Variants in FBXO34 observed in about 807,000 individuals in gnomAD.
The protein encoded by FBXO34 is F-box protein 34.
A neutral mutation model predicts 24.5 loss-of-function variants in FBXO34; 12 were observed. The observed-to-expected ratio is 0.49, with a 90% CI of 0.31 to 0.79. The LOEUF is 0.79. Among genes scored for constraint, FBXO34 ranks in the 30% least tolerant of loss-of-function variants. FBXO34 has a pLI of 0.04. For synonymous variants in FBXO34, 320 were observed against 311.9 expected (o/e 1.03, Z -0.27); for missense variants, 823 against 857.7 (o/e 0.96, Z 0.51).
rs147933450 is a variant in FBXO34 at position 55,351,074 on chromosome 14, C to T, written c.684C>T (p.Asn228=). The T allele has an allele frequency of 2.5e-6, 4 of 1,614,110 alleles. No individual in the cohort carries two copies. In the African/African-American group the frequency reaches 5.3e-5, roughly 22 times the overall value. The change falls in exon 2 of 2, where the codon AAC becomes AAT. Residue 228 remains asparagine, a synonymous_variant. Coordinates refer to ENST00000313833, the MANE Select transcript of FBXO34 (RefSeq NM_017943.4). The part of the protein sequence containing the change: ...ASALLASCSK[N]CTNSPAIVRF... ...CTCTGCTAGCTAGCTGTTCAAAAAA[C>T]TGCACAAACTCACCTGCAATTGTGA...
At chr14:55,325,065 C>T (rs1015618002) in intron 1 of FBXO34, among the ~76,000 whole-genome samples, 15 of 152,170 alleles carry the variant, frequency 9.9e-5, no homozygotes, top group Admixed American at 2.6e-4. Context: ...CCTCCAAATA[C>T]CTTCACATTG....
the FBXO34 span, chr14:55,385,750 G>A: frequency 2.3e-5 from 23 of 984,116 alleles, no homozygotes; most frequent in Non-Finnish European, 3.2e-5. Flanking sequence ...TCCATCACCA[G>A]GAAAACCAAT....
the FBXO34 span, among the ~76,000 whole-genome samples, chr14:55,403,171 G>C: frequency 6.6e-6 from 1 of 151,380 alleles, no homozygotes; most frequent in African/African-American, 2.4e-5. Flanking sequence ...TTTGTAAAAT[G>C]GGAATAATGC....
At chr14:55,411,646 A>G in the FBXO34 span, 1 of 1,613,384 alleles carries the variant, frequency 6.2e-7, no homozygotes, top group Non-Finnish European at 8.5e-7. Context: ...CGCCGCTCTG[A>G]ACGCATTTGG....
At chr14:55,365,847 G>C (rs1884665925), downstream of FBXO34, among the ~76,000 whole-genome samples, 1 of 152,124 alleles carries the variant, frequency 6.6e-6, no homozygotes, top group African/African-American at 2.4e-5. Flanking sequence ...TTCCACAGTA[G>C]TCACTCTTGG....
At chr14:55,408,994 T>G in the FBXO34 span, among the ~76,000 whole-genome samples, 1 of 152,160 alleles carries the variant, frequency 6.6e-6, no homozygotes, top group Non-Finnish European at 1.5e-5. Flanking sequence ...AACAGTGACA[T>G]TATCTTATTT....
the FBXO34 span, among the ~76,000 whole-genome samples, chr14:55,441,923 C>A: frequency 6.6e-6 from 1 of 151,754 alleles, no homozygotes; most frequent in African/African-American, 2.4e-5. Context: ...CCACCATGCC[C>A]AGCTAATTTT....
chr14:55,386,173 A>C, the FBXO34 span: 1 of 1,239,288 alleles, frequency 8.1e-7, no homozygotes, highest in Non-Finnish European at 1.1e-6. Context: ...CCCCACAAAC[A>C]TGCGTGTTTT....
Position 55,331,751 on chromosome 14 carries a change from ATATATATATG to A in FBXO34, c.-10-18620_-10-18611del, listed in dbSNP as rs1169979355. ...TATGTATATATATATGTGTGTATAT[ATATATATATG>A]TATATATATATATATATACCACCAT... On this transcript the variant is annotated intron_variant, in intron 1 of 1. Coordinates refer to ENST00000313833, the MANE Select transcript of FBXO34 (RefSeq NM_017943.4). Among the ~76,000 whole-genome samples, 262 of 61,368 alleles carry A rather than the reference ATATATATATG, an allele frequency of 4.3e-3. 97 individuals carry two copies. Among genetic ancestry groups the A allele is most frequent in the African/African-American group, 0.041 (234 of 5,696 alleles). The allele number at this position is 61,368 out of a possible 152,430, so 40.3% of individuals were successfully genotyped here. A position where few individuals can be genotyped will look rare whatever the true frequency, so the allele number is the denominator to read the frequency against.
chr14:55,441,301 G>A, the FBXO34 span, among the ~76,000 whole-genome samples: 5 of 152,148 alleles, frequency 3.3e-5, no homozygotes, highest in East Asian at 7.7e-4. Flanking sequence ...GTGCCACCAC[G>A]CCTGGCTAAT....
chr14:55,286,991 C>T (rs766746866), intron 1 of FBXO34, among the ~76,000 whole-genome samples: 1 of 151,432 alleles, frequency 6.6e-6, no homozygotes, highest in Non-Finnish European at 1.5e-5. Context: ...TCACTGCAAC[C>T]TCCACCTCCC....
chr14:55,421,481 T>C, the FBXO34 span, among the ~76,000 whole-genome samples: 1 of 152,188 alleles, frequency 6.6e-6, no homozygotes, highest in South Asian at 2.1e-4. Flanking sequence ...ATTTTTTAAT[T>C]AAGATGAAGT....
At chr14:55,389,647 C>T in the FBXO34 span, among the ~76,000 whole-genome samples, 11 of 152,192 alleles carry the variant, frequency 7.2e-5, no homozygotes, top group South Asian at 6.2e-4. Context: ...AGCTTGCTGC[C>T]GGCACTCATT....
intron 1 of FBXO34, among the ~76,000 whole-genome samples, chr14:55,289,862 A>T (rs556353902): frequency 2.0e-5 from 3 of 152,146 alleles, no homozygotes; most frequent in South Asian, 2.1e-4. Context: ...CTACCTTTAA[A>T]AAAAAAAACA....
At position 55,281,991 on chromosome 14, in the gene FBXO34, C is replaced by CTTTTTT. The variant is rs372305828; in HGVS notation, c.-11+10473_-11+10478dup. On this transcript the variant is annotated intron_variant, in intron 1 of 1. Transcript: ENST00000313833. ...CAGTAAGTTTCATTTTTAAATTTAG[C>CTTTTTT]TTTTTTTTTTTTTTTTTTTTTTTTG... 1.7e-3 allele frequency among the ~76,000 whole-genome samples: 108 copies of CTTTTTT among 65,124 alleles called. 1 individual carries two copies. The highest frequency in any genetic ancestry group is 1.9e-3 in the East Asian group (4 of 2,130). 42.7% of individuals were successfully genotyped at this position (65,124 alleles called of 152,430 possible). A position where few individuals can be genotyped will look rare whatever the true frequency, so the allele number is the denominator to read the frequency against.
chr14:55,427,479 C>T, the FBXO34 span, among the ~76,000 whole-genome samples: 3 of 152,142 alleles, frequency 2.0e-5, no homozygotes, highest in South Asian at 2.1e-4. Context: ...AATATGATCC[C>T]TATCTACTCT....
downstream of FBXO34, among the ~76,000 whole-genome samples, chr14:55,370,307 G>C (rs1296103796): frequency 6.6e-6 from 1 of 152,096 alleles, no homozygotes; most frequent in Non-Finnish European, 1.5e-5. Flanking sequence ...CTAACAAAAA[G>C]CCACTTGATG....
intron 1 of FBXO34, among the ~76,000 whole-genome samples, chr14:55,277,617 G>C (rs1356427640): frequency 2.0e-5 from 3 of 152,160 alleles, no homozygotes; most frequent in Admixed American, 2.0e-4. Context: ...TCAGCCTTCT[G>C]AGTAACTGGC....
intron 1 of FBXO34, among the ~76,000 whole-genome samples, chr14:55,318,532 T>C (rs1883019883): frequency 6.7e-6 from 1 of 150,226 alleles, no homozygotes; most frequent in South Asian, 2.1e-4. Context: ...TTTTTTTGTT[T>C]TTGTTTTTAT....
Sources: allele counts gnomAD v4.1 joint callset (sites outside exome capture counted in the v4.1 genomes callset), GRCh38; gene constraint gnomAD v4.1.1; transcripts MANE v1.5; gene names NCBI Gene and HGNC (gene_info 2026-07-23, HGNC 2026-07-21).